The following SRGAP2B variants were observed in gnomAD, a reference collection of about 807,000 sequenced individuals.
The protein encoded by SRGAP2B is SLIT-ROBO Rho GTPase-activating protein 2B.
In SRGAP2B, 9 loss-of-function variants were observed where a neutral mutation model predicts 22.2. The ratio of observed to expected loss-of-function variants is 0.41; its 90% CI spans 0.24 to 0.71. The LOEUF is 0.71. SRGAP2B is among the 30% of genes least tolerant of loss of function. The pLI is 0.35. For missense variants in SRGAP2B, 114 were observed against 235.8 expected (o/e 0.48, Z 3.38); for synonymous variants, 36 against 87.4 (o/e 0.41, Z 3.28).
In SRGAP2B at chr1:144,905,086, C is replaced by T; in HGVS notation, c.831+5G>A. On this transcript the variant is annotated splice_donor_5th_base_variant and intron_variant, in intron 7 of 9. Transcript: ENST00000612199. ...GCCCTCAGGCCCTTGGCTTTAAGCA[C>T]TTACATCAATAAGGTCAGATAGGTC... is the stretch of plus-strand genomic sequence containing the variant. 1 of 744,222 alleles carries T rather than the reference C, an allele frequency of 1.3e-6. No homozygotes were observed. The highest frequency in any genetic ancestry group is 1.5e-5 in the South Asian group (1 of 68,660). The allele number at this position is 744,222 out of a possible 1,614,324, so 46.1% of individuals were successfully genotyped here.
rs1281076638 is a variant in SRGAP2B at position 144,994,606 on chromosome 1, G to C, written c.260+402C>G. ...AGAGAGAGAGAGAGAGAGAGAGAGA[G>C]AGAGACAGAGATTAAGATAGACCCT... is the stretch of plus-strand genomic sequence containing the variant. On this transcript the variant is annotated intron_variant, in intron 3 of 9. Transcript: ENST00000612199. 4.5e-4 allele frequency among the ~76,000 whole-genome samples: 65 copies of C among 143,204 alleles called. 1 individual carries two copies. The highest frequency in any genetic ancestry group is 1.3e-3 in the South Asian group (6 of 4,570). The allele number at this position is 143,204 out of a possible 152,430, so 93.9% of individuals were successfully genotyped here.
intron 3 of SRGAP2B, among the ~76,000 whole-genome samples, chr1:144,979,745 CCACTCTCACCATGTGA>C (rs1439155092): frequency 4.0e-5 from 6 of 151,344 alleles, no homozygotes; most frequent in African/African-American, 1.5e-4. Context: ...ACTCTCACTC[CCACTCTCACCATGTGA>C]CATGCTGGCT....
chr1:144,939,375 C>G (rs150726454), intron 4 of SRGAP2B, among the ~76,000 whole-genome samples: 65 of 150,664 alleles, frequency 4.3e-4, no homozygotes, highest in Middle Eastern at 3.4e-3. Flanking sequence ...CCAATTCTTT[C>G]CCCTCTATGA....
chr1:144,939,478 A>G (rs1336529929), intron 4 of SRGAP2B, among the ~76,000 whole-genome samples: 35 of 146,192 alleles, frequency 2.4e-4, no homozygotes, highest in African/African-American at 8.9e-4. Flanking sequence ...TGCTATCTAA[A>G]TTGTAACCTG....
intron 5 of SRGAP2B, among the ~76,000 whole-genome samples, chr1:144,911,745 G>A (rs1663429995): frequency 6.8e-6 from 1 of 147,520 alleles, no homozygotes; most frequent in Non-Finnish European, 1.5e-5. Context: ...AGCCTCCTGA[G>A]TAGCTGGGAC....
chr1:144,955,180 T>C lies in SRGAP2B; in HGVS notation c.423+259A>G, dbSNP rs1243225895. Reference sequence around the variant, plus strand: ...TTCAAATAATTTTTTTCTCCACAAGTATGTGGTAGGGAATGACTAGTGGAA... The same window carrying C: ...TTCAAATAATTTTTTTCTCCACAAGCATGTGGTAGGGAATGACTAGTGGAA... On this transcript the variant is annotated intron_variant, in intron 4 of 9. Coordinates refer to ENST00000612199, the Ensembl canonical transcript of SRGAP2B. Among the ~76,000 whole-genome samples, 7 of 150,454 alleles carry C rather than the reference T, an allele frequency of 4.7e-5. 1 individual carries two copies.
At chr1:144,905,250 T>A in intron 6 of SRGAP2B, 31 bp from the exon 7 acceptor site, 2 of 551,176 alleles carry the variant, frequency 3.6e-6, no homozygotes, top group Admixed American at 5.4e-5. Context: ...CACTTTTACC[T>A]TTTTTTTTTA....
At chr1:144,922,777 C>G (rs1201825226) in intron 4 of SRGAP2B, among the ~76,000 whole-genome samples, 1 of 150,626 alleles carries the variant, frequency 6.6e-6, no homozygotes, top group Non-Finnish European at 1.5e-5. Flanking sequence ...ATACCAAAAC[C>G]ACCCATCAAG....
intron 4 of SRGAP2B, among the ~76,000 whole-genome samples, chr1:144,915,528 C>G (rs1455905012): frequency 6.7e-5 from 10 of 150,180 alleles, no homozygotes; most frequent in African/African-American, 2.5e-4. Context: ...GAATTCGAGA[C>G]CAGCATGGCC....
At chr1:145,039,466 C>A (rs587662389) in intron 2 of SRGAP2B, among the ~76,000 whole-genome samples, 2 of 145,594 alleles carry the variant, frequency 1.4e-5, no homozygotes, top group Admixed American at 6.9e-5. Flanking sequence ...CAGGATGAGA[C>A]CCTGTCTCTT....
chr1:144,983,849 C>A (rs1159564846), intron 3 of SRGAP2B, among the ~76,000 whole-genome samples: 1 of 150,372 alleles, frequency 6.7e-6, no homozygotes, highest in Non-Finnish European at 1.5e-5. Flanking sequence ...TGCACGTGTG[C>A]AAATCTCTAC....
In SRGAP2B at chr1:144,994,868, G is replaced by A. The variant is rs1444145250; in HGVS notation, c.260+140C>T. The A allele has an allele frequency of 1.5e-5, 9 of 585,934 alleles. 1 individual carries two copies. Among genetic ancestry groups the A allele is most frequent in the African/African-American group, 1.2e-4 (6 of 51,324 alleles). 36.3% of individuals were successfully genotyped at this position (585,934 alleles called of 1,614,324 possible). ...TGCACTTAAGACTGATCTGGAAAAT[G>A]AGAAGTCCTTGAGGGCTTTCAACCA... On this transcript the variant is annotated intron_variant, in intron 3 of 9. Transcript: ENST00000612199.
intron 3 of SRGAP2B, among the ~76,000 whole-genome samples, chr1:144,958,378 T>C (rs1414572291): frequency 3.3e-5 from 5 of 150,524 alleles, no homozygotes; most frequent in Non-Finnish European, 7.4e-5. Flanking sequence ...TATTGAGAAC[T>C]TGTAAGGTGT....
Position 144,930,915 on chromosome 1 carries a change from C to T in SRGAP2B, c.424-16161G>A, listed in dbSNP as rs1472360825. ...ATTTCCCTATGAGTAGGTCTTCCAT[C>T]GTTCCCTAGTGCTCTCAGAATGAAG... On this transcript the variant is annotated intron_variant, in intron 4 of 9. Transcript: ENST00000612199. Among the ~76,000 whole-genome samples, 6 of 148,940 alleles carry T rather than the reference C, an allele frequency of 4.0e-5. No individual in the cohort carries two copies. In the South Asian group the frequency reaches 8.4e-4, roughly 21 times the overall value.
At chr1:144,966,150 G>A (rs1668067560) in intron 3 of SRGAP2B, among the ~76,000 whole-genome samples, 2 of 148,512 alleles carry the variant, frequency 1.3e-5, no homozygotes, top group Admixed American at 6.7e-5. Flanking sequence ...ACGCCACAAA[G>A]ACACTCCTCG....
chr1:145,063,031 AC>A (rs1651088385), intron 2 of SRGAP2B, among the ~76,000 whole-genome samples: 2 of 150,346 alleles, frequency 1.3e-5, no homozygotes, highest in South Asian at 4.2e-4. Flanking sequence ...GCTCCAGAAC[AC>A]TTTTTTCCCC....
chr1:144,966,900 T>C (rs372767710), intron 3 of SRGAP2B, among the ~76,000 whole-genome samples: 1 of 146,918 alleles, frequency 6.8e-6, no homozygotes, highest in Non-Finnish European at 1.5e-5. Context: ...AAGAAGGCCA[T>C]TACATAATGG....
chr1:145,013,002 G>T (rs2102248106), intron 2 of SRGAP2B, among the ~76,000 whole-genome samples: 1 of 150,720 alleles, frequency 6.6e-6, no homozygotes, highest in Non-Finnish European at 1.5e-5. Flanking sequence ...AGAACTGCTT[G>T]AGCCCACAAG....
chr1:145,007,769 A>G (rs1671704455), intron 2 of SRGAP2B, among the ~76,000 whole-genome samples: 1 of 145,920 alleles, frequency 6.9e-6, no homozygotes, highest in Non-Finnish European at 1.5e-5. Flanking sequence ...TTCCTGGTAC[A>G]TTATACTGTA....
Sources: allele counts gnomAD v4.1 joint callset (sites outside exome capture counted in the v4.1 genomes callset), GRCh38; gene constraint gnomAD v4.1.1; transcripts MANE v1.5; gene names NCBI Gene and HGNC (gene_info 2026-07-23, HGNC 2026-07-21).